Variants in PCDHGA8 observed in about 807,000 individuals in gnomAD.
The protein encoded by PCDHGA8 is protocadherin gamma subfamily A, 8.
In PCDHGA8, 45 loss-of-function variants were observed where a neutral mutation model predicts 59.2. That is an observed-to-expected ratio of 0.76 (90% CI 0.60 to 0.98). The LOEUF is 0.98. Among genes scored for constraint, PCDHGA8 ranks in the 50% least tolerant of loss-of-function variants. The probability of loss-of-function intolerance (pLI) is 0.00; values close to 1 mark genes in which losing one functional copy is unlikely to be tolerated. For missense variants in PCDHGA8, 1,257 were observed against 1,196.2 expected (o/e 1.05, Z -0.75); for synonymous variants, 531 against 519.0 (o/e 1.02, Z -0.32).
At chr5:141,404,906 C>T (rs776779922) in intron 1 of PCDHGA8, 7 of 1,613,864 alleles carry the variant, frequency 4.3e-6, no homozygotes, top group Non-Finnish European at 5.1e-6. Context: ...CCATGGCCAG[C>T]CCCCTCTCTC....
Position 141,476,556 on chromosome 5 carries a change from C to A in PCDHGA8, c.2425-18251C>A. 1 of 1,614,234 alleles carries A rather than the reference C, an allele frequency of 6.2e-7. No homozygotes were observed. Among genetic ancestry groups the A allele is most frequent in the Non-Finnish European group, 8.5e-7 (1 of 1,180,036 alleles). ...GAAATGAAATTGGAGATTAGCGAGG[C>A]CGTGGCTCCGGGGACGCGCTTTCCG... On this transcript the variant is annotated intron_variant, in intron 1 of 3. Coordinates refer to ENST00000398604, the MANE Select transcript of PCDHGA8 (RefSeq NM_032088.2). The surrounding 1 kb of genome is among the most constrained non-coding windows in gnomAD (Gnocchi z 7.6).
rs966291038 is a variant in PCDHGA8, at chr5:141,487,740, G to A, written c.2425-7067G>A. 4 of 1,562,290 alleles carry A rather than the reference G, an allele frequency of 2.6e-6. No individual in the cohort carries two copies. The highest frequency in any genetic ancestry group is 1.7e-6 in the Non-Finnish European group (2 of 1,151,972). On this transcript the variant is annotated intron_variant, in intron 1 of 3. Transcript: ENST00000398604. The surrounding 1 kb of genome is among the most constrained non-coding windows in gnomAD (Gnocchi z 5.0). ...CATAGTGATGTCACCATTTTTGTAAGAGGTAACTATGTGGTAGACGCTGTG... is the reference window on the plus strand; with the variant it reads ...CATAGTGATGTCACCATTTTTGTAAAAGGTAACTATGTGGTAGACGCTGTG...
chr5:141,423,561 C>G (rs959698297), intron 1 of PCDHGA8: 7 of 1,613,628 alleles, frequency 4.3e-6, no homozygotes, highest in Non-Finnish European at 5.9e-6. Flanking sequence ...ACTATGGGGA[C>G]ACGCTCATCA....
chr5:141,456,814 ATTAGCCATCGTGG>A (rs2098889077), intron 1 of PCDHGA8, among the ~76,000 whole-genome samples: 1 of 151,928 alleles, frequency 6.6e-6, no homozygotes, highest in Non-Finnish European at 1.5e-5. Context: ...AATACAAAAA[ATTAGCCATCGTGG>A]TAGTGGGCGC....
intron 1 of PCDHGA8, chr5:141,418,432 T>A: frequency 6.2e-7 from 1 of 1,613,956 alleles, no homozygotes; most frequent in East Asian, 2.2e-5. Context: ...GTGGCAAATA[T>A]CCAGAATTAG....
chr5:141,502,179 A>C (rs1403845758), intron 2 of PCDHGA8, among the ~76,000 whole-genome samples: 3 of 152,218 alleles, frequency 2.0e-5, no homozygotes, highest in African/African-American at 7.2e-5. Context: ...GGAATTTAAC[A>C]TTAATACAAT....
intron 1 of PCDHGA8, among the ~76,000 whole-genome samples, chr5:141,397,616 T>G (rs918214976): frequency 2.0e-5 from 3 of 152,194 alleles, no homozygotes; most frequent in Non-Finnish European, 4.4e-5. Context: ...AGGGCAATAC[T>G]TAGTTCTAGC....
Position 141,486,814 on chromosome 5 carries a change from C to T in PCDHGA8, c.2425-7993C>T, listed in dbSNP as rs1048351154. On this transcript the variant is annotated intron_variant, in intron 1 of 3. Transcript: ENST00000398604. The surrounding 1 kb of genome is among the most constrained non-coding windows in gnomAD (Gnocchi z 5.0). ...ATCGGGGCAACCCACCCCTTAGCAG[C>T]ACTGTAACAGTTCGTCTATTTGTGC... 1.2e-6 allele frequency: 2 copies of T among 1,614,122 alleles called. No individual in the cohort carries two copies. Among genetic ancestry groups the T allele is most frequent in the Non-Finnish European group, 1.7e-6 (2 of 1,180,052 alleles).
rs1441791773 is a variant in PCDHGA8, at chr5:141,486,038, G to A, written c.2425-8769G>A. The A allele has an allele frequency of 1.9e-6, 3 of 1,614,066 alleles. No individual in the cohort carries two copies. The highest frequency in any genetic ancestry group is 1.1e-5 in the South Asian group (1 of 91,088). On this transcript the variant is annotated intron_variant, in intron 1 of 3. Coordinates refer to ENST00000398604, the MANE Select transcript of PCDHGA8 (RefSeq NM_032088.2). The surrounding 1 kb of genome is among the most constrained non-coding windows in gnomAD (Gnocchi z 5.0). ...TTTCAGTGGTCATACCCCTGATCGT[G>A]TAAGAAACCTCTTTAGCCTGCACCC...
At chr5:141,481,779 C>T (rs1367771159) in intron 1 of PCDHGA8, among the ~76,000 whole-genome samples, 2 of 152,092 alleles carry the variant, frequency 1.3e-5, no homozygotes, top group Non-Finnish European at 2.9e-5. Flanking sequence ...TGGTGAAACC[C>T]CGTCTCTACT....
chr5:141,428,891 G>A (rs1382228334), intron 1 of PCDHGA8: 3 of 149,832 alleles, frequency 2.0e-5, no homozygotes, highest in East Asian at 3.9e-4. Flanking sequence ...GTCTCGCTCT[G>A]TGGTCCAGGC....
At chr5:141,425,429 A>G in intron 1 of PCDHGA8, among the ~76,000 whole-genome samples, 1 of 152,254 alleles carries the variant, frequency 6.6e-6, no homozygotes, top group East Asian at 1.9e-4. Flanking sequence ...CCCATTAAAT[A>G]GAGGATAAAA....
At chr5:141,410,748 C>G in intron 1 of PCDHGA8, 1 of 1,245,396 alleles carries the variant, frequency 8.0e-7, no homozygotes, top group Non-Finnish European at 1.1e-6. Flanking sequence ...AATATTTTCT[C>G]AATGTTTTTT....
chr5:141,409,577 G>A, intron 1 of PCDHGA8: 1 of 1,613,920 alleles, frequency 6.2e-7, no homozygotes, highest in South Asian at 1.1e-5. Context: ...GTCCTACGTG[G>A]TCCACGTGGC....
At chr5:141,478,174 GA>G (rs1156842877) in intron 1 of PCDHGA8, 1 of 1,613,574 alleles carries the variant, frequency 6.2e-7, no homozygotes, top group East Asian at 2.2e-5. Context: ...CCCGGGAGCA[GA>G]AAAAAAATCT....
intron 1 of PCDHGA8, among the ~76,000 whole-genome samples, chr5:141,456,862 C>T (rs1385304686): frequency 6.6e-6 from 1 of 152,086 alleles, no homozygotes; most frequent in Non-Finnish European, 1.5e-5. Context: ...AATTGGGAGG[C>T]TGAGGCAGGA....
intron 2 of PCDHGA8, among the ~76,000 whole-genome samples, chr5:141,501,719 T>C (rs1024307894): frequency 6.6e-6 from 1 of 152,028 alleles, no homozygotes; most frequent in African/African-American, 2.4e-5. Context: ...AAAAGACAAA[T>C]ATATTACCCA....
intron 1 of PCDHGA8, among the ~76,000 whole-genome samples, chr5:141,470,737 G>A (rs117064561): frequency 6.6e-6 from 1 of 152,016 alleles, no homozygotes; most frequent in African/African-American, 2.4e-5. Flanking sequence ...TTGCTCTGTC[G>A]CCCTGGCTGG....
At position 141,486,878 on chromosome 5, in the gene PCDHGA8, C is replaced by T. The variant is rs772994346; in HGVS notation, c.2425-7929C>T. ...CAATGCTCCAGCTGTGCTCCGTCCT[C>T]GGGCCCGGCCTGGTTCCTTATGTCC... On this transcript the variant is annotated intron_variant, in intron 1 of 3. Transcript: ENST00000398604. The surrounding 1 kb of genome is among the most constrained non-coding windows in gnomAD (Gnocchi z 5.0). 3.0e-5 allele frequency: 49 copies of T among 1,614,114 alleles called. No homozygotes were observed. The highest frequency in any genetic ancestry group is 4.4e-5 in the South Asian group (4 of 91,088).
Sources: allele counts gnomAD v4.1 joint callset (sites outside exome capture counted in the v4.1 genomes callset), GRCh38; gene constraint gnomAD v4.1.1; non-coding constraint Gnocchi (gnomAD v3.1); transcripts MANE v1.5; gene names NCBI Gene and HGNC (gene_info 2026-07-23, HGNC 2026-07-21).